Variants in FER1L5 observed in about 807,000 individuals in gnomAD.
FER1L5 encodes the protein fer-1 like family member 5, also known as fer-1-like protein 5.
A neutral mutation model predicts 279.9 loss-of-function variants in FER1L5; 187 were observed. The ratio of observed to expected loss-of-function variants is 0.67; its 90% CI spans 0.59 to 0.75. FER1L5 has a LOEUF of 0.75. FER1L5 is among the 30% of genes least tolerant of loss of function. The pLI is 0.00. For missense variants in FER1L5, 2,091 were observed against 2,594.4 expected, an observed-to-expected ratio of 0.81 and a Z score of 4.21; for synonymous variants, 921 against 989.7, an observed-to-expected ratio of 0.93 and a Z score of 1.30.
chr2:96,650,339 T>C, intron 6 of FER1L5, 50 bp downstream of exon 6: 8 of 1,471,348 alleles, frequency 5.4e-6, no homozygotes, highest in Non-Finnish European at 5.6e-6. Flanking sequence ...GACACTCTTG[T>C]TTGCTGTGTT....
intron 19 of FER1L5, among the ~76,000 whole-genome samples, chr2:96,682,592 CTG>C (rs1196386130): frequency 6.6e-6 from 1 of 152,252 alleles, no homozygotes; most frequent in African/African-American, 2.4e-5. Flanking sequence ...TGGGCATTCT[CTG>C]AGGTCTGGCT....
chr2:96,663,455 A>G lies in FER1L5; in HGVS notation c.1088A>G (p.Gln363Arg). 1 of 1,551,684 alleles carries G rather than the reference A, an allele frequency of 6.4e-7. No homozygotes were observed. The highest frequency in any genetic ancestry group is 1.2e-5 in the South Asian group (1 of 84,068). ...LIGEKLRTHM[Q>R]TQTDNPIWNQ... ...ACATTCCAGCTCAGGACACACATGC[A>G]GACCCAAACCGACAACCCGATATGG... Residue 363 changes from glutamine to arginine, a missense_variant, in exon 14 of 53, where the codon CAG becomes CGG. Transcript: ENST00000624922.
At position 96,699,948 on chromosome 2, in the gene FER1L5, T is replaced by C. The variant is rs200444312; in HGVS notation, c.4798T>C (p.Trp1600Arg). Reference protein sequence around the residue: ...KSYCQSGPFRWRDQMPPSYLL... With the variant: ...KSYCQSGPFRRRDQMPPSYLL... ...CCCCCACAGGTCAGGGCCCTTTAGATGGCGGGATCAGATGCCCCCAAGCTA... is the reference window on the plus strand; with the variant it reads ...CCCCCACAGGTCAGGGCCCTTTAGACGGCGGGATCAGATGCCCCCAAGCTA... Residue 1600 changes from tryptophan to arginine, a missense_variant, in exon 44 of 53, where the codon TGG (tryptophan) becomes CGG (arginine). Trp to Arg is a moderately radical substitution (Grantham distance 101). Coordinates refer to ENST00000624922, the MANE Select transcript of FER1L5 (RefSeq NM_001293083.2). 508 of 1,613,742 alleles carry C rather than the reference T, an allele frequency of 3.1e-4. No homozygotes were observed. Among genetic ancestry groups the C allele is most frequent in the Non-Finnish European group, 4.0e-4 (472 of 1,179,852 alleles).
Position 96,702,494 on chromosome 2 carries a change from C to T in FER1L5, c.5255+93C>T. 5 of 1,550,020 alleles carry T rather than the reference C, an allele frequency of 3.2e-6. No individual in the cohort carries two copies. Among genetic ancestry groups the T allele is most frequent in the Non-Finnish European group, 4.4e-6 (5 of 1,146,330 alleles). On this transcript the variant is annotated intron_variant, in intron 47 of 52. Coordinates refer to ENST00000624922, the MANE Select transcript of FER1L5 (RefSeq NM_001293083.2). This position sits in a 1 kb window ranked among gnomAD's most constrained non-coding sequence, Gnocchi z 4.0. ...GCCCAGTCCTGAATGGGACACCTCT[C>T]CATCCAGCTCTGCCTGGCGTCGGCT...
At chr2:96,697,440 C>T in intron 37 of FER1L5, 86 bp from the exon 38 acceptor site, 1 of 1,470,530 alleles carries the variant, frequency 6.8e-7, no homozygotes, top group Non-Finnish European at 9.4e-7. Context: ...ACCAGGGAAG[C>T]TCTGGCCTCA....
rs567730226 is a variant in FER1L5 at position 96,695,842 on chromosome 2, A to T, written c.3995A>T (p.Asp1332Val). The change falls in exon 36 of 53, where the codon GAC becomes GTC. Residue 1332 changes from aspartate to valine, a missense_variant. Transcript: ENST00000624922. Reference protein sequence around the residue: ...QQTVTGQANIDFLQPYFCDPW... With the variant: ...QQTVTGQANIVFLQPYFCDPW... ...ACCGTGACGGGCCAGGCCAACATCG[A>T]CTTCCTCCAGCCCTACTTCTGTGAC... 9 of 1,613,500 alleles carry T rather than the reference A, an allele frequency of 5.6e-6. No individual in the cohort carries two copies. The East Asian group carries it at 1.8e-4, about 32-fold the overall frequency.
intron 19 of FER1L5, among the ~76,000 whole-genome samples, chr2:96,676,213 C>T (rs998742885): frequency 6.6e-6 from 1 of 152,138 alleles, no homozygotes. Context: ...AATCAGTTAA[C>T]CATATTATTG....
Position 96,692,166 on chromosome 2 carries a change from A to C in FER1L5, c.3277A>C (p.Ile1093Leu). 6.4e-7 allele frequency: 1 copy of C among 1,551,608 alleles called. No homozygotes were observed. The highest frequency in any genetic ancestry group is 8.7e-7 in the Non-Finnish European group (1 of 1,146,966). ...GGCCCGGAACCTGGTGTCCAATCAG[A>C]TCCTGACATTCCAAGGTAGGTGGCA... ...YQARNLVSNQ[I>L]LTFQGPFIRV... Residue 1093 changes from isoleucine (I) to leucine (L), a missense_variant, in exon 31 of 53, where the codon ATC (isoleucine) becomes CTC (leucine). Ile to Leu is a conservative substitution (Grantham distance 5). Coordinates refer to ENST00000624922, the MANE Select transcript of FER1L5 (RefSeq NM_001293083.2).
chr2:96,697,875 C>T, intron 39 of FER1L5, 114 bp downstream of exon 39: 6 of 1,442,692 alleles, frequency 4.2e-6, no homozygotes, highest in Non-Finnish European at 4.7e-6. Flanking sequence ...GCACTGTCTC[C>T]CAGAGACAGC....
chr2:96,699,308 G>A lies in FER1L5; in HGVS notation c.4610+172G>A, dbSNP rs548235957. ...TAGAAGACAAATATATGGGTGGGCC[G>A]GTTCTACCCTGTTTCTCACTCTGGC... On this transcript the variant is annotated intron_variant, in intron 42 of 52. Transcript: ENST00000624922. Among the ~76,000 whole-genome samples the A allele has an allele frequency of 9.9e-5, 15 of 152,230 alleles. No homozygotes were observed. In the South Asian group the frequency reaches 1.2e-3, roughly 13 times the overall value.
rs933005624 is a variant in FER1L5, at chr2:96,686,341, C to G, written c.2220C>G (p.Leu740=). 2.1e-5 allele frequency: 33 copies of G among 1,550,848 alleles called. No homozygotes were observed. The highest frequency in any genetic ancestry group is 2.4e-5 in the Non-Finnish European group (27 of 1,146,794). The change falls in exon 23 of 53, where the codon CTC becomes CTG. Residue 740 remains leucine (L), a synonymous_variant. Transcript: ENST00000624922. ...GGCTCTGTGGGAAGATACAGACACT[C>G]TTCCTACAGGTGGGAATCAGGGACT... ...SGRLCGKIQT[L]FLQYPEGEGQ...
At chr2:96,687,311 G>A (rs1284088982) in intron 23 of FER1L5, among the ~76,000 whole-genome samples, 1 of 152,208 alleles carries the variant, frequency 6.6e-6, no homozygotes, top group Non-Finnish European at 1.5e-5. Context: ...AACACGCAAG[G>A]CTCCTTCCAT....
At chr2:96,661,213 A>T (rs2075942480) in intron 10 of FER1L5, 112 bp from the exon 11 acceptor site, 3 of 667,732 alleles carry the variant, frequency 4.5e-6, no homozygotes. Context: ...GATAGAAAGC[A>T]GGATGCCTGA....
Position 96,695,842 on chromosome 2 carries a change from A to G in FER1L5, c.3995A>G (p.Asp1332Gly), listed in dbSNP as rs567730226. Residue 1332 changes from aspartate to glycine, a missense_variant, in exon 36 of 53, where the codon GAC becomes GGC. Transcript: ENST00000624922. ...ACCGTGACGGGCCAGGCCAACATCG[A>G]CTTCCTCCAGCCCTACTTCTGTGAC... is the stretch of plus-strand genomic sequence containing the variant. ...QQTVTGQANIDFLQPYFCDPW... is the reference protein window; with the variant it reads ...QQTVTGQANIGFLQPYFCDPW... 1 of 1,613,382 alleles carries G rather than the reference A, an allele frequency of 6.2e-7. No homozygotes were observed. The highest frequency in any genetic ancestry group is 1.3e-5 in the African/African-American group (1 of 74,916).
At position 96,698,073 on chromosome 2, in the gene FER1L5, C is replaced by A; in HGVS notation, c.4273C>A (p.Gln1425Lys). The A allele has an allele frequency of 6.3e-7, 1 of 1,588,026 alleles. No individual in the cohort carries two copies. The highest frequency in any genetic ancestry group is 2.3e-5 in the East Asian group (1 of 43,392). Residue 1425 changes from glutamine (Q) to lysine (K), a missense_variant, in exon 40 of 53, where the codon CAG (glutamine) becomes AAG (lysine). Transcript: ENST00000624922. This position sits in a 1 kb window ranked among gnomAD's most constrained non-coding sequence, Gnocchi z 5.5. ...ECELEAVPAF[Q>K]GLQDFCQTFK... ...TGAGCTGGAGGCCGTGCCAGCCTTC[C>A]AGGGCCTGCAGGACTTCTGCCAGAC... is the stretch of plus-strand genomic sequence containing the variant.
chr2:96,669,655 C>T (rs2076252136), intron 17 of FER1L5, among the ~76,000 whole-genome samples: 1 of 152,154 alleles, frequency 6.6e-6, no homozygotes, highest in African/African-American at 2.4e-5. Context: ...GGTCCTCACT[C>T]TCCTTCCCCC....
At chr2:96,696,911 T>TA (rs992860636) in intron 37 of FER1L5, among the ~76,000 whole-genome samples, 1 of 151,462 alleles carries the variant, frequency 6.6e-6, no homozygotes. Context: ...ATCCCCCACT[T>TA]AAAAAAAAAT....
intron 51 of FER1L5, 68 bp from the exon 52 acceptor site, chr2:96,704,147 T>A: frequency 6.3e-7 from 1 of 1,574,932 alleles, no homozygotes; most frequent in East Asian, 2.2e-5. Flanking sequence ...AGAAAGCTCT[T>A]TGCATCAGAT....
At chr2:96,659,600 T>G (rs1267768115) in intron 9 of FER1L5, among the ~76,000 whole-genome samples, 1 of 149,818 alleles carries the variant, frequency 6.7e-6, no homozygotes, top group South Asian at 2.1e-4. Flanking sequence ...CACACCATTC[T>G]CCTGCCTGAA....
Sources: gnomAD v4.1 joint callset for allele counts (sites outside exome capture counted in the v4.1 genomes callset) on GRCh38, gnomAD v4.1.1 for gene constraint, Gnocchi (gnomAD v3.1) non-coding constraint, MANE v1.5 for transcripts, NCBI Gene and HGNC (gene_info 2026-07-23, HGNC 2026-07-21) for gene names.